Variants in DCBLD1 observed in about 807,000 individuals in gnomAD.
DCBLD1 encodes discoidin, CUB and LCCL domain-containing protein 1.
DCBLD1 carries 57 observed loss-of-function variants against 71.5 expected under a neutral mutation model. That is an observed-to-expected ratio of 0.80 (90% confidence interval 0.64 to 0.99). The LOEUF (loss-of-function observed/expected upper bound fraction) is 0.99, where lower values mean the gene tolerates loss of function less well. DCBLD1 is among the 50% of genes least tolerant of loss of function. DCBLD1 has a pLI of 0.00. For missense variants in DCBLD1, 891 were observed against 923.5 expected (o/e 0.96, Z 0.46); for synonymous variants, 380 against 363.8 (o/e 1.04, Z -0.51).
intron 6 of DCBLD1, among the ~76,000 whole-genome samples, chr6:117,535,976 A>G (rs967021589): frequency 1.3e-5 from 2 of 152,166 alleles, no homozygotes; most frequent in African/African-American, 4.8e-5. Flanking sequence ...CAGTGCAGAG[A>G]TTATAGAAGA....
chr6:117,568,063 G>A (rs1779734609), intron 14 of DCBLD1, among the ~76,000 whole-genome samples: 1 of 151,500 alleles, frequency 6.6e-6, no homozygotes, highest in Non-Finnish European at 1.5e-5. Context: ...GCTGGCCATG[G>A]TGGCAGGCAT....
At position 117,538,793 on chromosome 6, in the gene DCBLD1, G is replaced by A. The variant is rs761207058; in HGVS notation, c.934G>A (p.Glu312Lys). ...CAGTAGCAACAACCACAAACCACGA[G>A]AGTGGCTGGAGATCGATTTGGGGGA... is the stretch of plus-strand genomic sequence containing the variant. ...GDSSNNHKPR[E>K]WLEIDLGEKK... The change falls in exon 8 of 15, where the codon GAG becomes AAG. Residue 312 changes from glutamate to lysine, a missense_variant. Physicochemically the swap from Glu to Lys is moderately conservative, Grantham distance 56. Transcript: ENST00000338728. The A allele has an allele frequency of 6.2e-7, 1 of 1,614,118 alleles. No homozygotes were observed. The highest frequency in any genetic ancestry group is 8.5e-7 in the Non-Finnish European group (1 of 1,179,998).
intron 14 of DCBLD1, 29 bp downstream of exon 14, chr6:117,545,626 A>C: frequency 6.3e-7 from 1 of 1,599,910 alleles, no homozygotes; most frequent in South Asian, 1.1e-5. Flanking sequence ...GGACTGTGCT[A>C]TTAGATTGGA....
intron 14 of DCBLD1, among the ~76,000 whole-genome samples, chr6:117,547,131 C>T (rs1456244604): frequency 6.6e-6 from 1 of 152,148 alleles, no homozygotes; most frequent in Non-Finnish European, 1.5e-5. Flanking sequence ...TTGGGTCAAC[C>T]TCCACAGTTA....
chr6:117,522,852 A>G (rs1778430125), intron 4 of DCBLD1, among the ~76,000 whole-genome samples: 1 of 152,162 alleles, frequency 6.6e-6, no homozygotes, highest in Non-Finnish European at 1.5e-5. Context: ...ACCAAAGTAC[A>G]AACCAATTAA....
intron 14 of DCBLD1, chr6:117,560,419 C>A (rs1361027208): frequency 5.3e-6 from 1 of 188,344 alleles, no homozygotes. Context: ...GATTTGAGGC[C>A]AACCATAAGT....
Position 117,569,487 on chromosome 6 carries a change from AGAAACTTCGTAGG to A in DCBLD1, c.1616-129_1616-117del, listed in dbSNP as rs1304466488. The A allele has an allele frequency of 6.6e-6, 10 of 1,518,630 alleles. No homozygotes were observed. In the African/African-American group the frequency reaches 1.4e-4, roughly 22 times the overall value. The allele number at this position is 1,518,630 out of a possible 1,614,324, so 94.1% of individuals were successfully genotyped here. A position where few individuals can be genotyped will look rare whatever the true frequency, so the allele number is the denominator to read the frequency against. ...CTATGTGTAAACACTTTACTACTTT[AGAAACTTCGTAGG>A]GAAGTATACAGTGTTCAATAGATTC... On this transcript the variant is annotated intron_variant, in intron 14 of 14. Transcript: ENST00000296955.
chr6:117,494,651 A>G (rs372836436), intron 1 of DCBLD1: 1 of 152,136 alleles, frequency 6.6e-6, no homozygotes, highest in African/African-American at 2.4e-5. Flanking sequence ...CAATGTGTCC[A>G]GTTTGTTGTA....
rs956199021 is a variant in DCBLD1, at chr6:117,548,208, C to T, written c.1917C>T (p.Phe639=). ...AACACTCCCTCTCCTCGGGCGGCTT[C>T]TCCCCCGTAGCGGGTGTGGGCGCCC... The part of the protein sequence containing the change: ...GHKHSLSSGG[F]SPVAGVGAQD... Residue 639 remains phenylalanine (F), a synonymous_variant, in exon 15 of 15, where the codon TTC becomes TTT. Transcript: ENST00000338728. 1 of 1,550,540 alleles carries T rather than the reference C, an allele frequency of 6.4e-7. No individual in the cohort carries two copies. The highest frequency in any genetic ancestry group is 2.0e-5 in the Admixed American group (1 of 51,010).
chr6:117,535,886 C>T (rs866002105), intron 6 of DCBLD1, among the ~76,000 whole-genome samples: 3 of 152,164 alleles, frequency 2.0e-5, no homozygotes, highest in Non-Finnish European at 4.4e-5. Flanking sequence ...TTTTTGCTAA[C>T]TGTGAACTTA....
chr6:117,547,736 C>T, intron 14 of DCBLD1, 171 bp from the exon 15 acceptor site: 3 of 1,402,742 alleles, frequency 2.1e-6, no homozygotes, highest in Non-Finnish European at 2.0e-6. Context: ...GTACTGCCTG[C>T]GGGTGGCTTC....
At chr6:117,544,686 C>A in intron 13 of DCBLD1, 109 bp downstream of exon 13, 1 of 1,200,622 alleles carries the variant, frequency 8.3e-7, no homozygotes, top group Non-Finnish European at 1.2e-6. Context: ...GGTTAAAAGA[C>A]ATAAGCCCTG....
Position 117,549,437 on chromosome 6 carries a change from A to G in DCBLD1, c.*998A>G. On this transcript the variant is annotated 3_prime_UTR_variant, in exon 15 of 15. Transcript: ENST00000338728. ...TTTATAAGAAATGATTTTCCCCTCA[A>G]GGAGGCGTCTGTAATTCCAGAACAG... 1 of 985,434 alleles carries G rather than the reference A, an allele frequency of 1.0e-6. No homozygotes were observed. The highest frequency in any genetic ancestry group is 4.7e-5 in the South Asian group (1 of 21,284). 61.0% of individuals were successfully genotyped at this position (985,434 alleles called of 1,614,324 possible).
At chr6:117,559,821 C>T (rs1779548840) in intron 14 of DCBLD1, among the ~76,000 whole-genome samples, 1 of 152,124 alleles carries the variant, frequency 6.6e-6, no homozygotes, top group Non-Finnish European at 1.5e-5. Context: ...CATAAATTGA[C>T]CAATATCCTA....
intron 1 of DCBLD1, among the ~76,000 whole-genome samples, chr6:117,503,201 A>C (rs1022990984): frequency 2.6e-5 from 4 of 152,200 alleles, no homozygotes; most frequent in African/African-American, 9.7e-5. Context: ...TCCCAAGTCT[A>C]TGAGGAACTT....
chr6:117,530,456 G>T (rs954717708), intron 5 of DCBLD1, among the ~76,000 whole-genome samples: 1 of 152,206 alleles, frequency 6.6e-6, no homozygotes, highest in African/African-American at 2.4e-5. Context: ...CTGACAAGAG[G>T]TAGAGCTCAG....
chr6:117,492,061 G>A (rs1777311611), intron 1 of DCBLD1, among the ~76,000 whole-genome samples: 1 of 152,182 alleles, frequency 6.6e-6, no homozygotes, highest in Non-Finnish European at 1.5e-5. Context: ...ACTTTAGGAA[G>A]TGATACATCG....
intron 5 of DCBLD1, among the ~76,000 whole-genome samples, chr6:117,527,758 T>C (rs972136620): frequency 6.6e-6 from 1 of 152,078 alleles, no homozygotes; most frequent in Non-Finnish European, 1.5e-5. Flanking sequence ...GGAAAGGTGC[T>C]GTAGAGTGGA....
At chr6:117,505,462 G>T (rs183727642) in intron 2 of DCBLD1, among the ~76,000 whole-genome samples, 4 of 152,266 alleles carry the variant, frequency 2.6e-5, no homozygotes, top group African/African-American at 9.6e-5. Flanking sequence ...GGAAGCATCT[G>T]CCTTGCCTGG....
Sources: allele counts gnomAD v4.1 joint callset (sites outside exome capture counted in the v4.1 genomes callset), GRCh38; gene constraint gnomAD v4.1.1; transcripts MANE v1.5; gene names NCBI Gene and HGNC (gene_info 2026-07-23, HGNC 2026-07-21).